The following TTLL11 variants were observed in gnomAD, a reference collection of about 807,000 sequenced individuals.
TTLL11 encodes tubulin polyglutamylase TTLL11.
In TTLL11, 42 loss-of-function variants were observed where a neutral mutation model predicts 51.7. The ratio of observed to expected loss-of-function variants is 0.81; its 90% confidence interval spans 0.64 to 1.05. The LOEUF is 1.05. Ranked by LOEUF, TTLL11 falls within the 50% of genes least tolerant of loss-of-function variation. TTLL11 has a pLI of 0.00. For missense variants in TTLL11, 799 were observed against 940.4 expected (o/e 0.85, Z 1.97); for synonymous variants, 381 against 383.5 (o/e 0.99, Z 0.08).
At chr9:121,912,847 C>T (rs994277001) in intron 6 of TTLL11, among the ~76,000 whole-genome samples, 7 of 151,912 alleles carry the variant, frequency 4.6e-5, no homozygotes, top group Admixed American at 4.6e-4. Flanking sequence ...CATTCTTTTC[C>T]TCATTTTACG....
rs989775562 is a variant in TTLL11 at position 122,044,878 on chromosome 9, C to T, written c.463-5510G>A. On this transcript the variant is annotated intron_variant, in intron 1 of 8. Coordinates refer to ENST00000321582, the MANE Select transcript of TTLL11 (RefSeq NM_001139442.2). The stretch of plus-strand genomic sequence containing the variant: ...TAATCACAGCACTTTGGGAGGCTGA[C>T]GCGGGAGGAGTTCAAGACCAGCCTG... 4.6e-5 allele frequency among the ~76,000 whole-genome samples: 7 copies of T among 150,842 alleles called. No individual in the cohort carries two copies. In the East Asian group the frequency reaches 6.0e-4, roughly 13 times the overall value.
chr9:121,990,491 G>C (rs1843081298), intron 3 of TTLL11, among the ~76,000 whole-genome samples: 1 of 152,206 alleles, frequency 6.6e-6, no homozygotes, highest in Non-Finnish European at 1.5e-5. Context: ...AGCTAACGCG[G>C]GGGCAGAATT....
chr9:122,070,026 C>T (rs1447698174), intron 1 of TTLL11, among the ~76,000 whole-genome samples: 5 of 151,886 alleles, frequency 3.3e-5, no homozygotes, highest in African/African-American at 4.8e-5. Context: ...CACACACACA[C>T]ACACACCAGA....
chr9:121,823,976 C>A (rs1433260770), intron 8 of TTLL11, among the ~76,000 whole-genome samples: 2 of 152,180 alleles, frequency 1.3e-5, no homozygotes, highest in Admixed American at 1.3e-4. Flanking sequence ...GCAGCACCGG[C>A]TGCGACTTGC....
intron 6 of TTLL11, among the ~76,000 whole-genome samples, chr9:121,953,727 C>A (rs1298445949): frequency 1.3e-5 from 2 of 151,792 alleles, no homozygotes; most frequent in African/African-American, 4.8e-5. Context: ...ACCAACCCCT[C>A]CCCCAAAAAA....
chr9:121,897,640 A>ACACGCG (rs111331446), intron 6 of TTLL11, among the ~76,000 whole-genome samples: 4 of 139,366 alleles, frequency 2.9e-5, no homozygotes, highest in Non-Finnish European at 3.1e-5. Context: ...ACACACACAC[A>ACACGCG]CGCGCGCGCG....
chr9:121,846,676 C>T (rs957960480), intron 8 of TTLL11, among the ~76,000 whole-genome samples: 2 of 152,024 alleles, frequency 1.3e-5, no homozygotes, highest in Non-Finnish European at 2.9e-5. Context: ...TAGCACATGT[C>T]TAAACAACAT....
intron 3 of TTLL11, among the ~76,000 whole-genome samples, chr9:121,992,224 A>G (rs919635550): frequency 6.6e-6 from 1 of 152,202 alleles, no homozygotes; most frequent in Admixed American, 6.5e-5. Flanking sequence ...ACAATTGTTC[A>G]GAACGTGGTT....
intron 8 of TTLL11, among the ~76,000 whole-genome samples, chr9:121,842,370 G>C (rs977201288): frequency 6.6e-6 from 1 of 152,038 alleles, no homozygotes; most frequent in Non-Finnish European, 1.5e-5. Context: ...CAATCCTCCT[G>C]CCCCAGCATT....
chr9:122,077,463 T>A (rs1028980575), intron 1 of TTLL11, among the ~76,000 whole-genome samples: 4 of 151,776 alleles, frequency 2.6e-5, no homozygotes, highest in Non-Finnish European at 5.9e-5. Flanking sequence ...GGGTAATCAA[T>A]AGAAGAATAA....
intron 1 of TTLL11, among the ~76,000 whole-genome samples, chr9:122,090,147 G>A (rs957117146): frequency 7.2e-6 from 1 of 139,520 alleles, no homozygotes; most frequent in African/African-American, 2.6e-5. Flanking sequence ...GGCTACCGAA[G>A]TAGAGAGTAG....
intron 6 of TTLL11, among the ~76,000 whole-genome samples, chr9:121,955,797 C>A (rs769720281): frequency 1.6e-4 from 25 of 152,200 alleles, no homozygotes; most frequent in Non-Finnish European, 5.9e-5. Context: ...AGGCCTTCGA[C>A]TTCTCTATGG....
chr9:122,071,462 G>A (rs1845725730), intron 1 of TTLL11, among the ~76,000 whole-genome samples: 1 of 152,154 alleles, frequency 6.6e-6, no homozygotes, highest in Non-Finnish European at 1.5e-5. Flanking sequence ...ACTGCCTAGA[G>A]GGGACAAGTG....
intron 1 of TTLL11, among the ~76,000 whole-genome samples, chr9:122,081,451 T>C (rs1033826737): frequency 6.6e-6 from 1 of 152,206 alleles, no homozygotes; most frequent in South Asian, 2.1e-4. Flanking sequence ...GTGGTGGGGA[T>C]TCAAACCCAA....
intron 1 of TTLL11, among the ~76,000 whole-genome samples, chr9:122,088,985 C>T (rs939715846): frequency 1.4e-5 from 2 of 142,556 alleles, no homozygotes; most frequent in African/African-American, 5.4e-5. Context: ...CCACTGCACT[C>T]CAGCCTGGAT....
chr9:122,001,849 G>A (rs996342966), intron 3 of TTLL11, among the ~76,000 whole-genome samples: 1 of 152,212 alleles, frequency 6.6e-6, no homozygotes, highest in Non-Finnish European at 1.5e-5. Context: ...AAGATCTGCT[G>A]CAAGCCTCTG....
chr9:121,943,664 C>G (rs1423517056), intron 6 of TTLL11, among the ~76,000 whole-genome samples: 6 of 152,174 alleles, frequency 3.9e-5, no homozygotes, highest in Admixed American at 3.9e-4. Flanking sequence ...ATCTGTCTCT[C>G]CACTCTCCAG....
rs552248845 is a variant in TTLL11 at position 122,089,061 on chromosome 9, C to A, written c.462+3626G>T. On this transcript the variant is annotated intron_variant, in intron 1 of 8. Coordinates refer to ENST00000321582, the MANE Select transcript of TTLL11 (RefSeq NM_001139442.2). ...GTGAAAAAGGAAGCGAGATTGTGTG[C>A]CCTGCAGCTGAGCAAACTTCTGAAT... 4.0e-5 allele frequency among the ~76,000 whole-genome samples: 6 copies of A among 151,332 alleles called. 1 individual carries two copies. In the South Asian group the frequency reaches 1.3e-3, roughly 32 times the overall value.
intron 6 of TTLL11, among the ~76,000 whole-genome samples, chr9:121,932,223 T>C (rs1841014591): frequency 6.6e-6 from 1 of 152,220 alleles, no homozygotes; most frequent in Non-Finnish European, 1.5e-5. Context: ...AAGCCTGACC[T>C]AGGCTGGACA....
Sources: allele counts gnomAD v4.1 joint callset (sites outside exome capture counted in the v4.1 genomes callset), GRCh38; gene constraint gnomAD v4.1.1; transcripts MANE v1.5; gene names NCBI Gene and HGNC (gene_info 2026-07-23, HGNC 2026-07-21).